The following MTHFD2L variants were observed in gnomAD, a reference collection of about 807,000 sequenced individuals.
MTHFD2L encodes methylenetetrahydrofolate dehydrogenase (NADP+ dependent) 2 like.
A neutral mutation model predicts 34.9 loss-of-function variants in MTHFD2L; 29 were observed. The observed-to-expected ratio is 0.83, with a 90% CI of 0.62 to 1.13. The LOEUF is 1.13. Ranked by LOEUF, MTHFD2L falls within the 50% of genes most tolerant of loss-of-function variation. The probability of loss-of-function intolerance (pLI) is 0.00; values close to 1 mark genes in which losing one functional copy is unlikely to be tolerated. For synonymous variants in MTHFD2L, 167 were observed against 155.7 expected (o/e 1.07, Z -0.54); for missense variants, 481 against 446.5 (o/e 1.08, Z -0.70).
chr4:74,166,077 A>C (rs1440405), intron 1 of MTHFD2L, among the ~76,000 whole-genome samples: 3,609 of 152,322 alleles, frequency 0.024, 129 homozygotes, highest in African/African-American at 0.081. Flanking sequence ...TCAGAAGATT[A>C]TTCTCAGACA....
chr4:74,123,398 C>T (rs1234785261), upstream of MTHFD2L: 1 of 152,150 alleles, frequency 6.6e-6, no homozygotes, highest in Non-Finnish European at 1.5e-5. Flanking sequence ...TTGGCAGTTG[C>T]ATGCTTTCTG....
chr4:74,261,020 AT>A (rs1469424088), intron 6 of MTHFD2L, among the ~76,000 whole-genome samples: 5 of 86,608 alleles, frequency 5.8e-5, no homozygotes, highest in African/African-American at 2.4e-4. Context: ...AGAAAAAAAT[AT>A]ATATATATAT....
intron 1 of MTHFD2L, among the ~76,000 whole-genome samples, chr4:74,134,240 T>C (rs546281678): frequency 1.3e-5 from 2 of 152,194 alleles, no homozygotes; most frequent in East Asian, 1.9e-4. Context: ...TCCTCAGCCG[T>C]AAAAACTCCT....
chr4:74,201,616 T>C (rs959348), intron 5 of MTHFD2L, among the ~76,000 whole-genome samples: 2,614 of 151,350 alleles, frequency 0.017, 73 homozygotes, highest in African/African-American at 0.06. Flanking sequence ...AATTAACAAT[T>C]AGACATTAAG....
At chr4:74,266,035 ACAGTT>A (rs906074238) in intron 6 of MTHFD2L, among the ~76,000 whole-genome samples, 6 of 152,176 alleles carry the variant, frequency 3.9e-5, no homozygotes, top group East Asian at 1.9e-4. Context: ...AATTTTTAGA[ACAGTT>A]CAGTAATTTG....
chr4:74,255,206 C>T (rs188721816), intron 6 of MTHFD2L, among the ~76,000 whole-genome samples: 40 of 132,864 alleles, frequency 3.0e-4, no homozygotes, highest in Non-Finnish European at 5.8e-4. Context: ...TAAATTGTGA[C>T]ATCAGTAACA....
chr4:74,167,487 AC>A, intron 1 of MTHFD2L, among the ~76,000 whole-genome samples: 1 of 152,360 alleles, frequency 6.6e-6, no homozygotes, highest in Non-Finnish European at 1.5e-5. Flanking sequence ...CAGGTAGACA[AC>A]TAGACAATAT....
At chr4:74,184,308 G>A (rs559162595) in intron 3 of MTHFD2L, among the ~76,000 whole-genome samples, 73 of 152,232 alleles carry the variant, frequency 4.8e-4, no homozygotes, top group African/African-American at 1.7e-3. Context: ...AAGGACACAG[G>A]GAGGTTAAAG....
chr4:74,199,080 A>C (rs1733966791), intron 3 of MTHFD2L, among the ~76,000 whole-genome samples: 1 of 152,130 alleles, frequency 6.6e-6, no homozygotes, highest in South Asian at 2.1e-4. Flanking sequence ...GGTTAGTGAT[A>C]ATTTAAACTA....
At chr4:74,221,141 A>T (rs1316311881) in intron 5 of MTHFD2L, among the ~76,000 whole-genome samples, 1 of 151,130 alleles carries the variant, frequency 6.6e-6, no homozygotes, top group Non-Finnish European at 1.5e-5. Context: ...CGATTTTGTC[A>T]ATAATTATAA....
intron 6 of MTHFD2L, among the ~76,000 whole-genome samples, chr4:74,255,532 G>T (rs950157841): frequency 4.6e-5 from 7 of 152,090 alleles, no homozygotes; most frequent in Admixed American, 3.9e-4. Context: ...ACATGTCCAG[G>T]TTTTTTACAA....
intron 7 of MTHFD2L, among the ~76,000 whole-genome samples, chr4:74,295,970 G>A (rs1168766010): frequency 1.3e-5 from 2 of 152,162 alleles, no homozygotes; most frequent in Non-Finnish European, 2.9e-5. Context: ...AATTTCATGT[G>A]TAGCACATAT....
intron 6 of MTHFD2L, among the ~76,000 whole-genome samples, chr4:74,228,177 G>A (rs1259364102): frequency 1.3e-5 from 2 of 152,196 alleles, no homozygotes; most frequent in Non-Finnish European, 2.9e-5. Flanking sequence ...AGTCAGGCAT[G>A]TTTAGAGAGT....
At chr4:74,283,472 A>G (rs945498550) in intron 7 of MTHFD2L, among the ~76,000 whole-genome samples, 5 of 152,144 alleles carry the variant, frequency 3.3e-5, no homozygotes, top group Non-Finnish European at 7.3e-5. Context: ...AGGAGATGGA[A>G]AAGAGACAAA....
upstream of MTHFD2L, among the ~76,000 whole-genome samples, chr4:74,119,751 C>A (rs1315238724): frequency 1.3e-5 from 2 of 151,980 alleles, no homozygotes; most frequent in African/African-American, 4.8e-5. Context: ...CCACTGCACT[C>A]CAGCCTGGGT....
rs577709766 is a variant in MTHFD2L at position 74,215,162 on chromosome 4, C to G, written c.713-10140C>G. The stretch of plus-strand genomic sequence containing the variant: ...GCTCTGTAGGGTGGGATCCGCTGAA[C>G]TAGACCACTTGGCTCCCTGGCTTCA... On this transcript the variant is annotated intron_variant, in intron 5 of 7. Transcript: ENST00000325278. 2.6e-5 allele frequency among the ~76,000 whole-genome samples: 4 copies of G among 151,882 alleles called. No homozygotes were observed. In the South Asian group the frequency reaches 8.3e-4, roughly 31 times the overall value.
intron 6 of MTHFD2L, among the ~76,000 whole-genome samples, chr4:74,243,320 C>T (rs1741969358): frequency 1.3e-5 from 2 of 152,200 alleles, no homozygotes; most frequent in Non-Finnish European, 2.9e-5. Context: ...AGTACAGGAA[C>T]TCTGCAGGTT....
chr4:74,278,732 G>A (rs1238121942), intron 6 of MTHFD2L, among the ~76,000 whole-genome samples: 3 of 152,040 alleles, frequency 2.0e-5, no homozygotes, highest in Non-Finnish European at 2.9e-5. Context: ...TTCCAAGAGA[G>A]ATAAGAAGCA....
chr4:74,194,219 T>C (rs1733081424), intron 3 of MTHFD2L: 2 of 152,346 alleles, frequency 1.3e-5, no homozygotes, highest in South Asian at 4.1e-4. Context: ...GGGACTCCTT[T>C]CTGTGGCTTT....
Sources: gnomAD v4.1 joint callset for allele counts (sites outside exome capture counted in the v4.1 genomes callset) on GRCh38, gnomAD v4.1.1 for gene constraint, MANE v1.5 for transcripts, NCBI Gene and HGNC (gene_info 2026-07-23, HGNC 2026-07-21) for gene names.